The following ITGAL variants were observed in gnomAD, a reference collection of about 807,000 sequenced individuals.
The protein encoded by ITGAL is integrin subunit alpha L.
A neutral mutation model predicts 138.4 loss-of-function variants in ITGAL; 68 were observed. The observed-to-expected ratio is 0.49, with a 90% CI of 0.40 to 0.60. The LOEUF (loss-of-function observed/expected upper bound fraction) is 0.60, where lower values mean the gene tolerates loss of function less well. ITGAL is among the 20% of genes least tolerant of loss of function. ITGAL has a pLI of 0.00. For missense variants in ITGAL, 1,256 were observed against 1,478.6 expected, an observed-to-expected ratio of 0.85 and a Z score of 2.47; for synonymous variants, 561 against 584.3, an observed-to-expected ratio of 0.96 and a Z score of 0.57.
At position 30,521,644 on chromosome 16, in the gene ITGAL, G is replaced by A; in HGVS notation, c.3492G>A (p.Glu1164=). 1 of 1,614,018 alleles carries A rather than the reference G, an allele frequency of 6.2e-7. No individual in the cohort carries two copies. The highest frequency in any genetic ancestry group is 8.5e-7 in the Non-Finnish European group (1 of 1,180,024). Residue 1164 remains glutamate, a synonymous_variant, in exon 31 of 31, where the codon GAG becomes GAA. Coordinates refer to ENST00000356798, the MANE Select transcript of ITGAL (RefSeq NM_002209.3). ...CLKPLHEKDS[E]SGGGKD ...AGCCCCTCCATGAGAAGGACTCTGA[G>A]AGTGGTGGTGGCAAGGACTGAGTCC... is the stretch of plus-strand genomic sequence containing the variant.
Position 30,499,469 on chromosome 16 carries a change from G to A in ITGAL, c.2125G>A (p.Asp709Asn). The A allele has an allele frequency of 1.9e-6, 3 of 1,613,740 alleles. No homozygotes were observed. Among genetic ancestry groups the A allele is most frequent in the Non-Finnish European group, 2.5e-6 (3 of 1,179,990 alleles). Residue 709 changes from aspartate (D) to asparagine (N), a missense_variant, in exon 17 of 31, where the codon GAC becomes AAC. Physicochemically the swap from Asp to Asn is conservative, Grantham distance 23. Around this residue, in one of 3 missense-constraint regions of ITGAL, gnomAD observed 867 missense variants for 972.5 expected, o/e 0.89. Coordinates refer to ENST00000356798, the MANE Select transcript of ITGAL (RefSeq NM_002209.3). ...TGTCACCACCAGCATGTCATGCACT[G>A]ACTTCTCATTTCATTTCCCGGTAAG... ...IAVTTSMSCT[D>N]FSFHFPVCVQ...
At chr16:30,499,665 ATATATATATGTGTATATATATG>A (rs1164248914) in intron 17 of ITGAL, 176 bp downstream of exon 17, 8 of 210,042 alleles carry the variant, frequency 3.8e-5, no homozygotes, top group South Asian at 2.7e-4. Flanking sequence ...TTTTTAAATT[ATATATATATGTGTATATATATG>A]TATATATATG....
chr16:30,518,037 G>C, intron 28 of ITGAL, 142 bp downstream of exon 28: 1 of 679,936 alleles, frequency 1.5e-6, no homozygotes, highest in Non-Finnish European at 2.6e-6. Context: ...AGTCACAGGT[G>C]AAAGAGAACA....
chr16:30,511,427 T>G (rs1364901635), intron 24 of ITGAL, among the ~76,000 whole-genome samples: 1 of 152,222 alleles, frequency 6.6e-6, no homozygotes, highest in Non-Finnish European at 1.5e-5. Context: ...GTTGCTGACA[T>G]TGCCTGGAGC....
chr16:30,484,313 C>G (rs1404641769), intron 9 of ITGAL, 50 bp downstream of exon 9: 2 of 1,570,050 alleles, frequency 1.3e-6, no homozygotes, highest in East Asian at 2.3e-5. Flanking sequence ...TAAAGAAATT[C>G]CCCTGGGACA....
Position 30,484,090 on chromosome 16 carries a change from C to T in ITGAL, c.856-23C>T, listed in dbSNP as rs1203591575. 2.5e-6 allele frequency: 4 copies of T among 1,607,848 alleles called. No individual in the cohort carries two copies. In the South Asian group the frequency reaches 3.3e-5, roughly 13 times the overall value. ...GACTGAGGTTTGGGGGATTTCAGCT[C>T]TTCACTCTCCACTCCCTCACAGATT... On this transcript the variant is annotated intron_variant, in intron 8 of 30. Coordinates refer to ENST00000356798, the MANE Select transcript of ITGAL (RefSeq NM_002209.3).
rs1475427945 is a variant in ITGAL at position 30,513,840 on chromosome 16, G to A, written c.2856G>A (p.Met952Ile). ...KGPKIHQVKH[M>I]YQVRIQPSIH... ...CCAAGATCCACCAAGTCAAGCACAT[G>A]TACCAGGTATGAATCCCAATGTGGA... Residue 952 changes from methionine to isoleucine, a missense_variant, in exon 25 of 31, where the codon ATG (methionine) becomes ATA (isoleucine). Around this residue, in one of 3 missense-constraint regions of ITGAL, gnomAD observed 867 missense variants for 972.5 expected, o/e 0.89. Transcript: ENST00000356798. 6.2e-7 allele frequency: 1 copy of A among 1,608,152 alleles called. No individual in the cohort carries two copies.
At chr16:30,500,057 A>ATTATTTATTTAT (rs34854709) in intron 17 of ITGAL, among the ~76,000 whole-genome samples, 10 of 125,504 alleles carry the variant, frequency 8.0e-5, no homozygotes, top group East Asian at 2.4e-4. Context: ...CCTATTTTAT[A>ATTATTTATTTAT]TTATTTATTT....
chr16:30,521,719 C>T lies in ITGAL; in HGVS notation c.*54C>T. 2 of 1,553,840 alleles carry T rather than the reference C, an allele frequency of 1.3e-6. No homozygotes were observed. Among genetic ancestry groups the T allele is most frequent in the Admixed American group, 1.8e-5 (1 of 56,174 alleles). ...AGAACTGGACTCAGGATGCCCAGGG[C>T]CACTCTGCCTCTGCCTGCATTCTGC... is the stretch of plus-strand genomic sequence containing the variant. On this transcript the variant is annotated 3_prime_UTR_variant, in exon 31 of 31. Coordinates refer to ENST00000356798, the MANE Select transcript of ITGAL (RefSeq NM_002209.3).
chr16:30,518,660 A>G lies in ITGAL; in HGVS notation c.3169A>G (p.Ile1057Val). 1 of 1,613,662 alleles carries G rather than the reference A, an allele frequency of 6.2e-7. No homozygotes were observed. Among genetic ancestry groups the G allele is most frequent in the African/African-American group, 1.3e-5 (1 of 74,898 alleles). The change falls in exon 29 of 31, where the codon ATC becomes GTC. Residue 1057 changes from isoleucine to valine, a missense_variant. Transcript: ENST00000356798. The part of the protein sequence containing the change: ...SMFSLCSSLS[I>V]SFNSSKHFHL... ...GTTCAGCCTCTGCAGCTCCCTCTCC[A>G]TCTCCTTCAACAGCAGCAAGCATTT...
chr16:30,489,688 C>A (rs2050697284), intron 11 of ITGAL, among the ~76,000 whole-genome samples: 1 of 152,142 alleles, frequency 6.6e-6, no homozygotes, highest in African/African-American at 2.4e-5. Context: ...GTAATCCCAG[C>A]AGTTTGGGAG....
intron 25 of ITGAL, among the ~76,000 whole-genome samples, chr16:30,515,293 T>G (rs1441411029): frequency 6.6e-6 from 1 of 152,210 alleles, no homozygotes; most frequent in African/African-American, 2.4e-5. Context: ...TGGAGTCTGG[T>G]TGTCTGTGTC....
At chr16:30,487,559 G>T (rs990216725) in intron 9 of ITGAL, among the ~76,000 whole-genome samples, 20 of 151,314 alleles carry the variant, frequency 1.3e-4, no homozygotes, top group Non-Finnish European at 2.7e-4. Flanking sequence ...ACAGGCGCCT[G>T]CCACCACACC....
intron 21 of ITGAL, among the ~76,000 whole-genome samples, chr16:30,507,687 A>G (rs2051024883): frequency 6.6e-6 from 1 of 151,630 alleles, no homozygotes; most frequent in Non-Finnish European, 1.5e-5. Flanking sequence ...GGGTCTCACT[A>G]TGTTCCCCAG....
Position 30,496,250 on chromosome 16 carries a change from A to G in ITGAL, c.1657A>G (p.Ile553Val), listed in dbSNP as rs1049539142. The part of the protein sequence containing the change: ...APLEEQGAVY[I>V]FNGRHGGLSP... ...TCTGGAGGAGCAGGGGGCTGTGTAC[A>G]TCTTCAATGGGAGGCACGGGGGGCT... The change falls in exon 14 of 31, where the codon ATC (isoleucine) becomes GTC (valine). Residue 553 changes from isoleucine (I) to valine (V), a missense_variant. This residue lies in a region of ITGAL where 867 missense variants were observed against 972.5 expected (regional missense o/e 0.89). Coordinates refer to ENST00000356798, the MANE Select transcript of ITGAL (RefSeq NM_002209.3). 7 of 1,606,574 alleles carry G rather than the reference A, an allele frequency of 4.4e-6. No individual in the cohort carries two copies. The highest frequency in any genetic ancestry group is 6.0e-6 in the Non-Finnish European group (7 of 1,176,060).
intron 5 of ITGAL, 25 bp downstream of exon 5, chr16:30,479,233 T>G (rs772358794): frequency 6.2e-7 from 1 of 1,613,184 alleles, no homozygotes; most frequent in Admixed American, 1.7e-5. Flanking sequence ...ACTCATTGGG[T>G]AAAAATACCT....
chr16:30,499,065 G>A lies in ITGAL; in HGVS notation c.1833-9G>A. The stretch of plus-strand genomic sequence containing the variant: ...GGAGGGAGAGAGTTGGTTGCCTTCT[G>A]CCCTGCAGCTCCCGGCCCGTGGTGG... On this transcript the variant is annotated splice_polypyrimidine_tract_variant and intron_variant, in intron 15 of 30. Coordinates refer to ENST00000356798, the MANE Select transcript of ITGAL (RefSeq NM_002209.3). 1 of 1,613,282 alleles carries A rather than the reference G, an allele frequency of 6.2e-7. No homozygotes were observed. The highest frequency in any genetic ancestry group is 8.5e-7 in the Non-Finnish European group (1 of 1,179,600).
intron 1 of ITGAL, chr16:30,473,903 G>C: frequency 3.6e-6 from 2 of 552,508 alleles, no homozygotes; most frequent in South Asian, 3.1e-5. Flanking sequence ...CTCTGCCTTG[G>C]GGCCCCTTGG....
At chr16:30,517,191 T>C in intron 26 of ITGAL, 105 bp downstream of exon 26, 1 of 731,394 alleles carries the variant, frequency 1.4e-6, no homozygotes, top group Non-Finnish European at 2.3e-6. Flanking sequence ...TGGCTCTGCC[T>C]CCCAAATCCC....
Sources: allele counts gnomAD v4.1 joint callset (sites outside exome capture counted in the v4.1 genomes callset), GRCh38; gene constraint gnomAD v4.1.1; regional missense constraint gnomAD v4.1.1; transcripts MANE v1.5; gene names NCBI Gene and HGNC (gene_info 2026-07-23, HGNC 2026-07-21).